Variants in LARGE1 observed in about 807,000 individuals in gnomAD.
LARGE1 encodes xylosyl- and glucuronyltransferase LARGE1.
Under a neutral mutation model 87.6 loss-of-function variants are expected in LARGE1, and 43 were observed. The ratio of observed to expected loss-of-function variants is 0.49; its 90% CI spans 0.38 to 0.63. The LOEUF (loss-of-function observed/expected upper bound fraction) is 0.63. Ranked by LOEUF, LARGE1 falls within the 30% of genes least tolerant of loss-of-function variation. The pLI is 0.00. For missense variants in LARGE1, 802 were observed against 1,000.2 expected (o/e 0.80, Z 2.67); for synonymous variants, 434 against 394.6 (o/e 1.10, Z -1.18).
chr22:33,402,224 T>G (rs1417423325), intron 7 of LARGE1, among the ~76,000 whole-genome samples: 1 of 152,120 alleles, frequency 6.6e-6, no homozygotes, highest in Non-Finnish European at 1.5e-5. Context: ...AGGTCTGCTG[T>G]GTGATGAATG....
intron 1 of LARGE1, among the ~76,000 whole-genome samples, chr22:33,816,032 C>T (rs1016589536): frequency 5.9e-5 from 9 of 152,166 alleles, no homozygotes; most frequent in African/African-American, 2.2e-4. Flanking sequence ...TCAATGTTGT[C>T]ATTAAATAAG....
intron 12 of LARGE1, among the ~76,000 whole-genome samples, chr22:33,287,263 C>T (rs1931722023): frequency 1.3e-5 from 2 of 152,186 alleles, no homozygotes; most frequent in South Asian, 2.1e-4. Flanking sequence ...TGCAACTAAA[C>T]AACCCTAACC....
intron 5 of LARGE1, among the ~76,000 whole-genome samples, chr22:33,576,543 C>T (rs925125194): frequency 9.2e-5 from 14 of 152,102 alleles, no homozygotes; most frequent in South Asian, 2.1e-4. Context: ...TTAGATGACA[C>T]GGTGCTTTAT....
At chr22:33,347,790 T>G (rs1939929685) in intron 9 of LARGE1, among the ~76,000 whole-genome samples, 1 of 152,174 alleles carries the variant, frequency 6.6e-6, no homozygotes, top group African/African-American at 2.4e-5. Flanking sequence ...AAGGGGTGTT[T>G]GAACCTAAGT....
chr22:33,429,277 A>G (rs1023881870), intron 7 of LARGE1, among the ~76,000 whole-genome samples: 12 of 152,106 alleles, frequency 7.9e-5, no homozygotes, highest in African/African-American at 2.9e-4. Context: ...TTGCATTTTG[A>G]TGTTGCCTAA....
intron 6 of LARGE1, among the ~76,000 whole-genome samples, chr22:33,516,310 T>C (rs1191726318): frequency 6.6e-6 from 1 of 151,956 alleles, no homozygotes; most frequent in Non-Finnish European, 1.5e-5. Flanking sequence ...GCTGAAATAG[T>C]GTGAGGATGT....
intron 7 of LARGE1, among the ~76,000 whole-genome samples, chr22:33,402,693 T>C (rs2065963738): frequency 6.6e-6 from 1 of 152,232 alleles, no homozygotes; most frequent in Admixed American, 6.5e-5. Context: ...TAATACACGT[T>C]AGTCTTAATT....
In LARGE1 at chr22:33,788,604, G is replaced by A. The variant is rs2085725719; in HGVS notation, c.-82-27046C>T. The stretch of plus-strand genomic sequence containing the variant: ...AAATGCTGACAGTGATATGGACAAT[G>A]AAGTCCAGGTTAAGGTGGTCTCAGA... On this transcript the variant is annotated intron_variant, in intron 1 of 14. Transcript: ENST00000397394. Among the ~76,000 whole-genome samples the A allele has an allele frequency of 2.0e-5, 3 of 152,220 alleles. No homozygotes were observed. The South Asian group carries it at 6.2e-4, about 32-fold the overall frequency.
the LARGE1 span, among the ~76,000 whole-genome samples, chr22:33,081,305 T>C: frequency 1.3e-5 from 2 of 152,208 alleles, no homozygotes; most frequent in Non-Finnish European, 2.9e-5. Flanking sequence ...AACAGATTAA[T>C]ACTGATACAA....
intron 1 of LARGE1, among the ~76,000 whole-genome samples, chr22:33,851,326 C>T (rs140865737): frequency 0.01 from 1,541 of 152,370 alleles, 18 homozygotes; most frequent in Non-Finnish European, 0.013. Context: ...TACCTTCTCT[C>T]TACCGCCCCA....
At chr22:33,675,323 A>C (rs2081542841) in intron 2 of LARGE1, among the ~76,000 whole-genome samples, 4 of 146,968 alleles carry the variant, frequency 2.7e-5, no homozygotes, top group South Asian at 2.2e-4. Flanking sequence ...AAAAAAGAAC[A>C]CAAGAGCAGA....
chr22:33,496,103 T>C (rs1439949987), intron 6 of LARGE1, among the ~76,000 whole-genome samples: 1 of 152,088 alleles, frequency 6.6e-6, no homozygotes, highest in Non-Finnish European at 1.5e-5. Context: ...TGGAGTCCAA[T>C]GTTGGAGGGC....
intron 1 of LARGE1, among the ~76,000 whole-genome samples, chr22:33,762,844 G>C (rs911870241): frequency 6.6e-6 from 1 of 152,162 alleles, no homozygotes. Context: ...TCCTGACATA[G>C]GTGTCACGCT....
the LARGE1 span, among the ~76,000 whole-genome samples, chr22:33,127,989 C>T: frequency 6.6e-6 from 1 of 152,198 alleles, no homozygotes; most frequent in Non-Finnish European, 1.5e-5. Flanking sequence ...TTTCTCTTCT[C>T]TTTCTAGGAT....
At chr22:33,269,086 G>A (rs1267087068), downstream of LARGE1, among the ~76,000 whole-genome samples, 1 of 151,976 alleles carries the variant, frequency 6.6e-6, no homozygotes, top group Non-Finnish European at 1.5e-5. Flanking sequence ...ACAATGTTAT[G>A]TTTTAAAAAA....
rs141551583 is a variant in LARGE1, at chr22:33,254,505, A to G, written c.1730+49724T>C. On this transcript the variant is annotated intron_variant, in intron 11 of 11. Coordinates refer to the LARGE1 transcript ENST00000608642. ...TCCGTGCTAAGCAAATGTGCTACAT[A>G]TCACTGTGGGGACATCTCCTTTCAA... Among the ~76,000 whole-genome samples, 506 of 152,310 alleles carry G rather than the reference A, an allele frequency of 3.3e-3. 3 individuals carry two copies. Among genetic ancestry groups the G allele is most frequent in the African/African-American group, 0.012 (486 of 41,570 alleles).
chr22:33,662,734 C>CA (rs1007618067), intron 2 of LARGE1, among the ~76,000 whole-genome samples: 1,502 of 145,350 alleles, frequency 0.01, 25 homozygotes, highest in African/African-American at 0.031. Context: ...TAACCCATTC[C>CA]AAAAAAAAAA....
chr22:33,764,762 G>A (rs913819815), intron 1 of LARGE1, among the ~76,000 whole-genome samples: 2 of 151,986 alleles, frequency 1.3e-5, no homozygotes, highest in Admixed American at 1.3e-4. Flanking sequence ...ATCTCAAAAT[G>A]GTAATAATAA....
chr22:33,301,156 C>T (rs933640656), intron 12 of LARGE1, among the ~76,000 whole-genome samples: 10 of 152,140 alleles, frequency 6.6e-5, no homozygotes, highest in African/African-American at 1.9e-4. Context: ...CCACTGGTAA[C>T]GTCTGGGTCA....
Sources: gnomAD v4.1 joint callset for allele counts (sites outside exome capture counted in the v4.1 genomes callset) on GRCh38, gnomAD v4.1.1 for gene constraint, MANE v1.5 for transcripts, NCBI Gene and HGNC (gene_info 2026-07-23, HGNC 2026-07-21) for gene names.